Variants in CMSS1 observed in about 807,000 individuals in gnomAD.
CMSS1 encodes protein CMSS1.
In CMSS1, 33 loss-of-function variants were observed where a neutral mutation model predicts 43.5. The observed-to-expected ratio is 0.76, with a 90% CI of 0.57 to 1.01. The LOEUF (loss-of-function observed/expected upper bound fraction) is 1.01. Among genes scored for constraint, CMSS1 ranks in the 50% least tolerant of loss-of-function variants. CMSS1 has a pLI of 0.00. For synonymous variants in CMSS1, 115 were observed against 117.2 expected, an observed-to-expected ratio of 0.98 and a Z score of 0.12; for missense variants, 313 against 326.4, an observed-to-expected ratio of 0.96 and a Z score of 0.32.
At position 100,166,329 on chromosome 3, in the gene CMSS1, T is replaced by C. The variant is rs2107529061; in HGVS notation, c.356-6T>C. The C allele has an allele frequency of 1.3e-6, 2 of 1,581,554 alleles. No homozygotes were observed. Among genetic ancestry groups the C allele is most frequent in the Middle Eastern group, 1.7e-4 (1 of 5,996 alleles). On this transcript the variant is annotated splice_region_variant and splice_polypyrimidine_tract_variant and intron_variant, in intron 4 of 9. Coordinates refer to ENST00000421999, the MANE Select transcript of CMSS1 (RefSeq NM_032359.4). ...TATCTACAAAGCATGTTTATTATAT[T>C]TCTAGACTCCTGTTTCCTCAAGGCC...
chr3:100,117,824 A>AGT lies in CMSS1; in HGVS notation c.65-29148_65-29147dup, dbSNP rs1255918482. 8.4e-5 allele frequency among the ~76,000 whole-genome samples: 8 copies of AGT among 94,792 alleles called. 1 individual carries two copies. The highest frequency in any genetic ancestry group is 2.6e-4 in the African/African-American group (5 of 19,108). 62.2% of individuals were successfully genotyped at this position (94,792 alleles called of 152,430 possible). ...GTCCATCAATGGATAGATAAACTGCAGTATATATATATATATATATATATA... is the reference window on the plus strand; with the variant it reads ...GTCCATCAATGGATAGATAAACTGCAGTGTATATATATATATATATATATATA... On this transcript the variant is annotated intron_variant, in intron 1 of 9. Coordinates refer to ENST00000421999, the MANE Select transcript of CMSS1 (RefSeq NM_032359.4).
At chr3:100,002,892 T>C (rs1208479604) in intron 1 of CMSS1, among the ~76,000 whole-genome samples, 1 of 152,172 alleles carries the variant, frequency 6.6e-6, no homozygotes, top group Non-Finnish European at 1.5e-5. Context: ...CCTTCTCTGA[T>C]GAGTATGTGT....
chr3:100,069,662 G>A (rs1316758618), intron 1 of CMSS1, among the ~76,000 whole-genome samples: 1 of 152,044 alleles, frequency 6.6e-6, no homozygotes, highest in Non-Finnish European at 1.5e-5. Flanking sequence ...ATAGTTTCCT[G>A]GCATTGCCTA....
chr3:99,840,315 C>T (rs1460377341), intron 1 of CMSS1, among the ~76,000 whole-genome samples: 2 of 150,536 alleles, frequency 1.3e-5, no homozygotes, highest in Non-Finnish European at 3.0e-5. Flanking sequence ...CCTCTGCCTC[C>T]CGGGTTGAAG....
chr3:100,010,870 G>T (rs979424011), intron 1 of CMSS1, among the ~76,000 whole-genome samples: 1 of 143,696 alleles, frequency 7.0e-6, no homozygotes, highest in African/African-American at 2.6e-5. Context: ...CTCATGATCC[G>T]CCTGCTTCAG....
intron 1 of CMSS1, chr3:99,898,675 A>G: frequency 5.8e-6 from 1 of 170,968 alleles, no homozygotes; most frequent in South Asian, 1.1e-4. Context: ...CTGAGGCAGG[A>G]GAATCACTTG....
At chr3:100,106,318 C>G (rs1411474963) in intron 1 of CMSS1, among the ~76,000 whole-genome samples, 1 of 152,154 alleles carries the variant, frequency 6.6e-6, no homozygotes, top group Non-Finnish European at 1.5e-5. Flanking sequence ...CAGTCCTCTT[C>G]CAGGCCAGCC....
chr3:100,032,575 T>C (rs1256154982), intron 1 of CMSS1, among the ~76,000 whole-genome samples: 2 of 152,156 alleles, frequency 1.3e-5, no homozygotes, highest in African/African-American at 4.8e-5. Flanking sequence ...TCACAGAAAA[T>C]GCATTTTGTA....
chr3:99,850,758 T>G, intron 1 of CMSS1: 6 of 1,614,220 alleles, frequency 3.7e-6, no homozygotes, highest in Non-Finnish European at 5.1e-6. Flanking sequence ...TAATTGTGTC[T>G]TGGTCTTGGT....
rs1707216655 is a variant in CMSS1, at chr3:99,924,266, T to A, written c.64+106223T>A. The A allele has an allele frequency of 1.2e-6, 2 of 1,613,946 alleles. No individual in the cohort carries two copies. Among genetic ancestry groups the A allele is most frequent in the African/African-American group, 2.7e-5 (2 of 74,936 alleles). On this transcript the variant is annotated intron_variant, in intron 1 of 9. Coordinates refer to ENST00000421999, the MANE Select transcript of CMSS1 (RefSeq NM_032359.4). ...CTGTTCTAGTAGGCATATGAATTCA[T>A]CACTCTTCTCCATGTATTCTTTATG...
intron 1 of CMSS1, among the ~76,000 whole-genome samples, chr3:99,913,827 A>G (rs141897364): frequency 5.3e-5 from 8 of 152,366 alleles, no homozygotes; most frequent in Non-Finnish European, 1.2e-4. Flanking sequence ...TAGAAAACAC[A>G]TATTCAGTCT....
At chr3:99,991,964 A>G (rs1314889689) in intron 1 of CMSS1, among the ~76,000 whole-genome samples, 8 of 148,820 alleles carry the variant, frequency 5.4e-5, no homozygotes, top group African/African-American at 1.7e-4. Flanking sequence ...ATATGTGTGT[A>G]TATATACACA....
chr3:99,996,193 T>A (rs958450602), intron 1 of CMSS1, among the ~76,000 whole-genome samples: 1 of 152,126 alleles, frequency 6.6e-6, no homozygotes, highest in Admixed American at 6.5e-5. Context: ...TTCCACCAGA[T>A]ACCCTAAATC....
intron 1 of CMSS1, among the ~76,000 whole-genome samples, chr3:99,866,473 A>G (rs1386104805): frequency 6.6e-6 from 1 of 152,198 alleles, no homozygotes; most frequent in African/African-American, 2.4e-5. Flanking sequence ...TTGCCATAGA[A>G]ACAGGATGGA....
intron 1 of CMSS1, among the ~76,000 whole-genome samples, chr3:100,081,075 T>C (rs901574745): frequency 6.6e-6 from 1 of 152,242 alleles, no homozygotes; most frequent in Non-Finnish European, 1.5e-5. Flanking sequence ...GCCAATGTTA[T>C]ATCCATTAGT....
At chr3:100,022,205 A>G (rs756955823) in intron 1 of CMSS1, among the ~76,000 whole-genome samples, 2 of 152,192 alleles carry the variant, frequency 1.3e-5, no homozygotes, top group African/African-American at 2.4e-5. Context: ...TTCAGATGCA[A>G]TTGCAGTAGC....
chr3:100,016,413 A>G (rs1710341841), intron 1 of CMSS1, among the ~76,000 whole-genome samples: 1 of 152,158 alleles, frequency 6.6e-6, no homozygotes, highest in South Asian at 2.1e-4. Context: ...CTGGTCTCAA[A>G]TTCCTGACCT....
At chr3:100,168,986 A>AG (rs2067088483) in intron 6 of CMSS1, among the ~76,000 whole-genome samples, 1 of 152,060 alleles carries the variant, frequency 6.6e-6, no homozygotes. Flanking sequence ...CATGCATGAC[A>AG]GATCAGATGA....
intron 1 of CMSS1, among the ~76,000 whole-genome samples, chr3:99,978,343 T>C (rs749868176): frequency 2.8e-4 from 42 of 152,308 alleles, no homozygotes; most frequent in Middle Eastern, 3.4e-3. Context: ...GCCAGGCTTA[T>C]TGCAGCACTA....
Sources: allele counts gnomAD v4.1 joint callset (sites outside exome capture counted in the v4.1 genomes callset), GRCh38; gene constraint gnomAD v4.1.1; transcripts MANE v1.5; gene names NCBI Gene and HGNC (gene_info 2026-07-23, HGNC 2026-07-21).